The following SEC14L6 variants were observed in gnomAD, a reference collection of about 807,000 sequenced individuals.
The protein encoded by SEC14L6 is SEC14-like protein 6.
Under a neutral mutation model 54.1 loss-of-function variants are expected in SEC14L6, and 40 were observed. That is an observed-to-expected ratio of 0.74 (90% CI 0.57 to 0.96). The LOEUF (loss-of-function observed/expected upper bound fraction) is 0.96. Among genes scored for constraint, SEC14L6 ranks in the 40% least tolerant of loss-of-function variants. SEC14L6 has a pLI of 0.00. For missense variants in SEC14L6, 471 were observed against 498.3 expected (o/e 0.95, Z 0.52); for synonymous variants, 171 against 198.4 (o/e 0.86, Z 1.16).
intron 1 of SEC14L6, 122 bp from the exon 2 acceptor site, chr22:30,539,024 G>C (rs1209719332): frequency 3.0e-6 from 2 of 659,640 alleles, no homozygotes; most frequent in Non-Finnish European, 5.3e-6. Context: ...GGGAGGATCA[G>C]GGTCCGGGTC....
At chr22:30,543,172 A>T in intron 1 of SEC14L6, 1 of 1,603,824 alleles carries the variant, frequency 6.2e-7, no homozygotes, top group Non-Finnish European at 8.5e-7. Flanking sequence ...GGACCCCGCA[A>T]GAGAGAGCGT....
At chr22:30,544,051 G>T in intron 1 of SEC14L6, 1 of 1,532,876 alleles carries the variant, frequency 6.5e-7, no homozygotes, top group Non-Finnish European at 9.0e-7. Context: ...GTCCTTCTCA[G>T]AGTATGCCAG....
rs562679545 is a variant in SEC14L6 at position 30,531,813 on chromosome 22, G to A, written c.519+90C>T. On this transcript the variant is annotated intron_variant, in intron 6 of 11. Transcript: ENST00000402034. Reference sequence around the variant, plus strand: ...GTACTCACCTGGCAGTGAGGAGAGAGGATTCCCGCCCCTGCCCCACACCAG... The same window carrying A: ...GTACTCACCTGGCAGTGAGGAGAGAAGATTCCCGCCCCTGCCCCACACCAG... 6.8e-6 allele frequency: 6 copies of A among 888,628 alleles called. No homozygotes were observed. The African/African-American group carries it at 1.0e-4, about 15-fold the overall frequency. 55.0% of individuals were successfully genotyped at this position (888,628 alleles called of 1,614,324 possible). A position where few individuals can be genotyped will look rare whatever the true frequency, so the allele number is the denominator to read the frequency against.
intron 8 of SEC14L6, among the ~76,000 whole-genome samples, chr22:30,528,867 T>C (rs1936869288): frequency 6.6e-6 from 1 of 151,946 alleles, no homozygotes; most frequent in Admixed American, 6.6e-5. Flanking sequence ...AATCGGGATC[T>C]CTACCCATGC....
Position 30,543,183 on chromosome 22 carries a change from G to A in SEC14L6, c.54+3446C>T. 7 of 1,603,444 alleles carry A rather than the reference G, an allele frequency of 4.4e-6. No individual in the cohort carries two copies. The Middle Eastern group carries it at 6.6e-4, about 152-fold the overall frequency. On this transcript the variant is annotated intron_variant, in intron 1 of 11. Transcript: ENST00000402034. The stretch of plus-strand genomic sequence containing the variant: ...ACGTGGACCCCGCAAGAGAGAGCGT[G>A]TCCTACAGCATCCACAGCACAGCCA...
At position 30,542,762 on chromosome 22, in the gene SEC14L6, G is replaced by A. The variant is rs190713091; in HGVS notation, c.55-3860C>T. 6.3e-6 allele frequency: 10 copies of A among 1,587,416 alleles called. No individual in the cohort carries two copies. In the African/African-American group the frequency reaches 9.4e-5, roughly 15 times the overall value. On this transcript the variant is annotated intron_variant, in intron 1 of 11. Coordinates refer to ENST00000402034, the MANE Select transcript of SEC14L6 (RefSeq NM_001193336.4). The stretch of plus-strand genomic sequence containing the variant: ...ACTGTGACCTCCCTGAACCCTGTGG[G>A]GCCCATCCAACGGTTCAGAGGAGCT...
chr22:30,539,730 A>T (rs2085666048), intron 1 of SEC14L6, among the ~76,000 whole-genome samples: 1 of 152,232 alleles, frequency 6.6e-6, no homozygotes, highest in African/African-American at 2.4e-5. Context: ...TGAGCTGTGT[A>T]CCTGATAGGT....
rs1385120577 is a variant in SEC14L6 at position 30,525,100 on chromosome 22, C to T, written c.1091G>A (p.Arg364Lys). 12 of 1,536,664 alleles carry T rather than the reference C, an allele frequency of 7.8e-6. No homozygotes were observed. Among genetic ancestry groups the T allele is most frequent in the Non-Finnish European group, 9.7e-6 (11 of 1,134,438 alleles). Reference protein sequence around the residue: ...TCLQAGSYVLRFYNTYSLVHS... With the variant: ...TCLQAGSYVLKFYNTYSLVHS... ...AACCAGGCTGTAGGTGTTGTAAAAC[C>T]TCAGGACATCTGCAGTGAGGGACAG... Residue 364 changes from arginine to lysine, a missense_variant, in exon 12 of 12, where the codon AGG becomes AAG. Transcript: ENST00000402034.
intron 1 of SEC14L6, among the ~76,000 whole-genome samples, chr22:30,541,981 G>A (rs1361398196): frequency 6.6e-6 from 1 of 152,212 alleles, no homozygotes; most frequent in Non-Finnish European, 1.5e-5. Flanking sequence ...CTACCTTGAG[G>A]AAGAAAACCA....
At chr22:30,543,993 G>A in intron 1 of SEC14L6, 1 of 1,601,238 alleles carries the variant, frequency 6.2e-7, no homozygotes, top group East Asian at 2.2e-5. Flanking sequence ...ACCTGGACAT[G>A]GTGCACCTCA....
At chr22:30,528,284 G>A (rs1043346926) in intron 8 of SEC14L6, among the ~76,000 whole-genome samples, 1 of 151,528 alleles carries the variant, frequency 6.6e-6, no homozygotes, top group Non-Finnish European at 1.5e-5. Flanking sequence ...ACCACGCCCG[G>A]CTAATTTTTT....
At chr22:30,528,409 C>T (rs1408086313) in intron 8 of SEC14L6, among the ~76,000 whole-genome samples, 2 of 144,426 alleles carry the variant, frequency 1.4e-5, no homozygotes, top group Non-Finnish European at 3.0e-5. Context: ...GCGTGAACCA[C>T]CGCGCTCGGC....
At chr22:30,528,936 A>AGCAGCCCACCTG in intron 8 of SEC14L6, 151 bp downstream of exon 8, 2 of 660,506 alleles carry the variant, frequency 3.0e-6, no homozygotes, top group Non-Finnish European at 5.2e-6. Context: ...GGGCAGGCAC[A>AGCAGCCCACCTG]GCAGCCCACC....
At chr22:30,539,782 T>G (rs1468031548) in intron 1 of SEC14L6, among the ~76,000 whole-genome samples, 2 of 152,238 alleles carry the variant, frequency 1.3e-5, no homozygotes, top group Non-Finnish European at 2.9e-5. Flanking sequence ...GCCTTCAATG[T>G]AAAGACATGG....
chr22:30,528,422 C>CT (rs375073961), intron 8 of SEC14L6, among the ~76,000 whole-genome samples: 20,509 of 105,498 alleles, frequency 0.19, 2,502 homozygotes, highest in Admixed American at 0.24. Flanking sequence ...CGCTCGGCCT[C>CT]TTTTTTTTTT....
In SEC14L6 at chr22:30,529,098, AC is replaced by A; in HGVS notation, c.652del (p.Val218Ter). On this transcript the variant is annotated frameshift_variant, in exon 8 of 12. Transcript: ENST00000402034. LOFTEE classifies it high-confidence loss of function. ...GAGGGCTCACTCACCTCCGAGAATC[AC>A]CACCTTCCTGCGTGTCTCTTCACTC... is the stretch of plus-strand genomic sequence containing the variant. ...YMSEETRRKV[V>X]ILGDNWKQEL... 1 of 1,550,840 alleles carries A rather than the reference AC, an allele frequency of 6.4e-7. No individual in the cohort carries two copies.
intron 3 of SEC14L6, among the ~76,000 whole-genome samples, chr22:30,533,672 A>G (rs1243901512): frequency 6.6e-6 from 1 of 151,442 alleles, no homozygotes; most frequent in Non-Finnish European, 1.5e-5. Context: ...CTTCACCCTG[A>G]TCTTCACATG....
At chr22:30,543,025 G>C in intron 1 of SEC14L6, 1 of 1,601,108 alleles carries the variant, frequency 6.2e-7, no homozygotes, top group South Asian at 1.1e-5. Context: ...TGCCCCCGTG[G>C]TATCGGGCCC....
intron 1 of SEC14L6, chr22:30,543,201 C>G: frequency 6.2e-7 from 1 of 1,603,820 alleles, no homozygotes; most frequent in Non-Finnish European, 8.5e-7. Context: ...GCATCCACAG[C>G]ACAGCCAATG....
Sources: gnomAD v4.1 joint callset for allele counts (sites outside exome capture counted in the v4.1 genomes callset) on GRCh38, gnomAD v4.1.1 for gene constraint, MANE v1.5 for transcripts, NCBI Gene and HGNC (gene_info 2026-07-23, HGNC 2026-07-21) for gene names.